ZNF117: variants seen among roughly 807,000 people sequenced by gnomAD.
ZNF117 encodes Krueppel-related zinc finger protein.
Under a neutral mutation model 41.2 loss-of-function variants are expected in ZNF117, and 37 were observed. That is an observed-to-expected ratio of 0.90 (90% CI 0.69 to 1.18). The LOEUF (loss-of-function observed/expected upper bound fraction) is 1.18, where lower values mean the gene tolerates loss of function less well. ZNF117 is among the 50% of genes most tolerant of loss of function. The probability of loss-of-function intolerance (pLI) is 0.00; values close to 1 mark genes in which losing one functional copy is unlikely to be tolerated. For missense variants in ZNF117, 546 were observed against 557.5 expected (o/e 0.98, Z 0.21); for synonymous variants, 186 against 186.6 (o/e 1.00, Z 0.02).
At chr7:64,972,816 C>T (rs77755216), downstream of ZNF117, 371 of 152,038 alleles carry the variant, frequency 2.4e-3, 1 homozygote, top group African/African-American at 8.5e-3. Flanking sequence ...AAAATGTTAA[C>T]GATGTGAGGT....
upstream of ZNF117, among the ~76,000 whole-genome samples, chr7:64,986,183 T>A (rs969502085): frequency 1.3e-5 from 2 of 151,946 alleles, no homozygotes; most frequent in African/African-American, 4.8e-5. Flanking sequence ...GGTGTATCAA[T>A]CAAGAAAAAT....
In ZNF117 at chr7:64,979,105, T is replaced by G. The variant is rs537700192; in HGVS notation, c.466A>C (p.Lys156Gln). ...GGTTTTTCTCCAGTATGAATTCTCT[T>G]ATGTTTATTAAGGGTTGAGGACCAG... Residue 156 changes from lysine to glutamine, a missense_variant, in exon 3 of 3, where the codon AAG (lysine) becomes CAG (glutamine). Lys to Gln is a moderately conservative substitution (Grantham distance 53). Transcript: ENST00000620222. 16 of 1,612,890 alleles carry G rather than the reference T, an allele frequency of 9.9e-6. No individual in the cohort carries two copies. In the African/African-American group the frequency reaches 2.0e-4, roughly 20 times the overall value.
At chr7:64,978,116 G>A in exon 3 of ZNF117, 1 of 1,604,876 alleles carries the variant, frequency 6.2e-7, no homozygotes, top group Non-Finnish European at 8.5e-7. Context: ...TGAGTTTTGA[G>A]GATCAGGTAG....
intron 2 of ZNF117, chr7:64,980,299 A>C (rs1785998709): frequency 6.6e-6 from 1 of 152,044 alleles, no homozygotes; most frequent in African/African-American, 2.4e-5. Context: ...ATTTCAATTA[A>C]AGATTACAAT....
upstream of ZNF117, among the ~76,000 whole-genome samples, chr7:64,983,367 G>A (rs573247573): frequency 3.9e-5 from 6 of 151,916 alleles, no homozygotes; most frequent in African/African-American, 9.7e-5. Flanking sequence ...GGCATATAAA[G>A]AGCCGTGATG....
exon 3 of ZNF117, chr7:64,977,633 A>C (rs1197828028): frequency 1.4e-5 from 10 of 721,644 alleles, no homozygotes; most frequent in Non-Finnish European, 2.4e-5. Context: ...AAGCTTTGCC[A>C]CATTCTTCAC....
At position 64,982,028 on chromosome 7, in the gene ZNF117, T is replaced by C; in HGVS notation, c.-107A>G. The C allele has an allele frequency of 2.4e-6, 2 of 819,264 alleles. No individual in the cohort carries two copies. The highest frequency in any genetic ancestry group is 4.2e-6 in the Non-Finnish European group (2 of 480,300). 50.7% of individuals were successfully genotyped at this position (819,264 alleles called of 1,614,324 possible). ...GTTTCTGTAGTTCTCTCACATCACA[T>C]GCCTATATAAATTCTGCTGTGCAGT... On this transcript the variant is annotated 5_prime_UTR_variant, in exon 1 of 3. The change abolishes an upstream ATG in the 5' untranslated region. Transcript: ENST00000620222.
intron 1 of ZNF117, among the ~76,000 whole-genome samples, chr7:64,988,299 A>T (rs1786178311): frequency 6.6e-6 from 1 of 152,222 alleles, no homozygotes; most frequent in African/African-American, 2.4e-5. Flanking sequence ...GGCTGGTTCA[A>T]CATACACAAA....
chr7:64,975,946 G>A (rs1785877036), exon 3 of ZNF117: 1 of 152,068 alleles, frequency 6.6e-6, no homozygotes, highest in Non-Finnish European at 1.5e-5. Flanking sequence ...AGTAGTTTTT[G>A]AAAAATGTTT....
At chr7:64,986,931 T>C (rs539183243), upstream of ZNF117, among the ~76,000 whole-genome samples, 1 of 152,246 alleles carries the variant, frequency 6.6e-6, no homozygotes, top group Non-Finnish European at 1.5e-5. Context: ...CTAAACTCAA[T>C]ACTTGACCAA....
At chr7:64,989,011 C>A in intron 1 of ZNF117, among the ~76,000 whole-genome samples, 1 of 151,932 alleles carries the variant, frequency 6.6e-6, no homozygotes, top group South Asian at 2.1e-4. Flanking sequence ...TTAAAATGGC[C>A]ATACTGCCAA....
intron 2 of ZNF117, 23 bp from the exon 4 acceptor site, chr7:64,979,559 A>T: frequency 1.4e-6 from 2 of 1,444,650 alleles, no homozygotes; most frequent in Non-Finnish European, 1.8e-6. Context: ...AAAGTAACAA[A>T]CTACTTCACT....
exon 1 of ZNF117, chr7:64,990,195 CGTT>C (rs1365820995): frequency 1.3e-5 from 2 of 152,174 alleles, no homozygotes; most frequent in Non-Finnish European, 2.9e-5. Flanking sequence ...ACAAAATTCA[CGTT>C]GTTAATTATT....
At chr7:64,987,358 T>C (rs185488202) in intron 1 of ZNF117, among the ~76,000 whole-genome samples, 2 of 152,122 alleles carry the variant, frequency 1.3e-5, no homozygotes, top group Non-Finnish European at 1.5e-5. Flanking sequence ...AAGATCTCAA[T>C]TTAACAATGT....
rs757880807 is a variant in ZNF117, at chr7:64,978,282, G to GA, written c.1288dup (p.Ser430PhefsTer7). On this transcript the variant is annotated frameshift_variant, in exon 3 of 3. Coordinates refer to ENST00000620222, the Ensembl canonical transcript of ZNF117. LOFTEE classifies it high-confidence loss of function. ...AATTCTCTTATGTCCAATAAGGGTTGAAGATCGGTTAAAGGCTTTGCCACA... is the reference window on the plus strand; with the variant it reads ...AATTCTCTTATGTCCAATAAGGGTTGAAAGATCGGTTAAAGGCTTTGCCACA... 4.1e-5 allele frequency: 66 copies of GA among 1,595,610 alleles called. No individual in the cohort carries two copies. Among genetic ancestry groups the GA allele is most frequent in the Non-Finnish European group, 5.2e-5 (61 of 1,166,844 alleles).
exon 3 of ZNF117, chr7:64,979,484 A>G: frequency 6.3e-7 from 1 of 1,588,792 alleles, no homozygotes; most frequent in Non-Finnish European, 8.6e-7. Flanking sequence ...TCTGGAAAGA[A>G]TCTCTTATGT....
chr7:64,974,228 T>G (rs1433155807), downstream of ZNF117: 1 of 151,914 alleles, frequency 6.6e-6, no homozygotes, highest in Non-Finnish European at 1.5e-5. Context: ...TGTGCAGTAC[T>G]GAATTTTATA....
In ZNF117 at chr7:64,981,774, A is replaced by C. The variant is rs147024508; in HGVS notation, c.-63+210T>G. ...CTAAAATTACCACTAATCAAGACTG[A>C]ATGATAAAGATCATCTCAGGAATGT... is the stretch of plus-strand genomic sequence containing the variant. On this transcript the variant is annotated intron_variant, in intron 1 of 2. Coordinates refer to ENST00000620222, the Ensembl canonical transcript of ZNF117. Among the ~76,000 whole-genome samples, 264 of 152,270 alleles carry C rather than the reference A, an allele frequency of 1.7e-3. 1 individual carries two copies. Among genetic ancestry groups the C allele is most frequent in the African/African-American group, 5.7e-3 (237 of 41,582 alleles).
At chr7:64,989,850 G>C (rs1786224777) in intron 1 of ZNF117, 97 bp downstream of exon 1, 1 of 151,968 alleles carries the variant, frequency 6.6e-6, no homozygotes, top group Non-Finnish European at 1.5e-5. Flanking sequence ...GAGGCAGATG[G>C]ATCATGAGGT....
Sources: allele counts gnomAD v4.1 joint callset (sites outside exome capture counted in the v4.1 genomes callset), GRCh38; gene constraint gnomAD v4.1.1; transcripts MANE v1.5; gene names NCBI Gene and HGNC (gene_info 2026-07-23, HGNC 2026-07-21).